SDK1: variants seen among roughly 807,000 people sequenced by gnomAD.
The protein encoded by SDK1 is protein sidekick-1.
SDK1 carries 157 observed loss-of-function variants against 245.5 expected under a neutral mutation model. That is an observed-to-expected ratio of 0.64 (90% CI 0.56 to 0.73). The LOEUF (loss-of-function observed/expected upper bound fraction) is 0.73, where lower values mean the gene tolerates loss of function less well. Ranked by LOEUF, SDK1 falls within the 30% of genes least tolerant of loss-of-function variation. SDK1 has a pLI of 0.00. For missense variants in SDK1, 3,583 were observed against 3,002.3 expected, an observed-to-expected ratio of 1.19 and a Z score of -4.52; for synonymous variants, 1,647 against 1,278.5, an observed-to-expected ratio of 1.29 and a Z score of -6.15.
intron 5 of SDK1, among the ~76,000 whole-genome samples, chr7:3,838,300 C>T (rs779206486): frequency 8.5e-5 from 13 of 152,144 alleles, no homozygotes; most frequent in Non-Finnish European, 1.5e-4. Context: ...GTGACTAAAG[C>T]GAAAGTACCT....
chr7:4,108,593 A>G (rs1204636017), intron 22 of SDK1, among the ~76,000 whole-genome samples: 1 of 152,142 alleles, frequency 6.6e-6, no homozygotes, highest in Non-Finnish European at 1.5e-5. Flanking sequence ...TTCATTATCT[A>G]CGCTGACCTC....
intron 14 of SDK1, among the ~76,000 whole-genome samples, chr7:4,006,319 T>G (rs1785484111): frequency 6.6e-6 from 1 of 151,954 alleles, no homozygotes; most frequent in Non-Finnish European, 1.5e-5. Context: ...GCTGGGGAAG[T>G]GTAAAATCCC....
rs186074772 is a variant in SDK1 at position 3,825,373 on chromosome 7, G to T, written c.847+3790G>T. ...GCGATGAGACGAATTCTATACAGTG[G>T]TTAATCAGTCATTGTTTATACGCCA... On this transcript the variant is annotated intron_variant, in intron 5 of 44. Transcript: ENST00000404826. Among the ~76,000 whole-genome samples the T allele has an allele frequency of 2.0e-5, 3 of 149,210 alleles. No homozygotes were observed. In the East Asian group the frequency reaches 5.9e-4, roughly 30 times the overall value.
At chr7:3,656,822 A>G (rs1393510057) in intron 4 of SDK1, among the ~76,000 whole-genome samples, 1 of 146,586 alleles carries the variant, frequency 6.8e-6, no homozygotes, top group Non-Finnish European at 1.5e-5. Context: ...ATCTCGGCTC[A>G]CTGCAAGCTC....
Position 3,822,004 on chromosome 7 carries a change from A to T in SDK1, c.847+421A>T, listed in dbSNP as rs116692263. ...AAATTCTACCTATTAAGTTGTACGA[A>T]AATTAGCAGTATTTAAGCATAATCA... On this transcript the variant is annotated intron_variant, in intron 5 of 44. Coordinates refer to ENST00000404826, the MANE Select transcript of SDK1 (RefSeq NM_152744.4). Among the ~76,000 whole-genome samples the T allele has an allele frequency of 7.1e-3, 1,078 of 152,306 alleles. 10 individuals are homozygous for T. Among genetic ancestry groups the T allele is most frequent in the African/African-American group, 0.024 (1,012 of 41,562 alleles).
intron 1 of SDK1, among the ~76,000 whole-genome samples, chr7:3,542,064 T>G (rs894396551): frequency 6.6e-6 from 1 of 152,184 alleles, no homozygotes; most frequent in Non-Finnish European, 1.5e-5. Flanking sequence ...TGATAGAAAC[T>G]TGACACAATT....
chr7:3,362,846 G>T (rs1780990236), intron 1 of SDK1, among the ~76,000 whole-genome samples: 1 of 152,014 alleles, frequency 6.6e-6, no homozygotes, highest in African/African-American at 2.4e-5. Flanking sequence ...AGAAAACCTT[G>T]GATAATTTTA....
At chr7:4,184,073 C>T (rs1377956687) in intron 35 of SDK1, among the ~76,000 whole-genome samples, 1 of 152,208 alleles carries the variant, frequency 6.6e-6, no homozygotes, top group Non-Finnish European at 1.5e-5. Flanking sequence ...TTCTCGCAGC[C>T]CAAGTACCTG....
intron 40 of SDK1, among the ~76,000 whole-genome samples, chr7:4,224,470 G>A (rs536931756): frequency 2.0e-5 from 3 of 152,120 alleles, no homozygotes; most frequent in Non-Finnish European, 4.4e-5. Flanking sequence ...AGCACCAAAG[G>A]GGTGGTCCTA....
intron 4 of SDK1, among the ~76,000 whole-genome samples, chr7:3,791,265 T>A (rs1322692681): frequency 6.6e-6 from 1 of 152,094 alleles, no homozygotes; most frequent in Non-Finnish European, 1.5e-5. Context: ...CTGGACTAGA[T>A]GAATCCGCCT....
intron 22 of SDK1, among the ~76,000 whole-genome samples, chr7:4,088,215 G>C (rs1781550262): frequency 6.6e-6 from 1 of 152,034 alleles, no homozygotes; most frequent in African/African-American, 2.4e-5. Context: ...CTTGTTAGTT[G>C]GTTAGTTTTA....
chr7:3,460,438 T>G (rs892993043), intron 1 of SDK1, among the ~76,000 whole-genome samples: 1 of 152,218 alleles, frequency 6.6e-6, no homozygotes, highest in South Asian at 2.1e-4. Context: ...TTGTCTTTGG[T>G]TATTTGACAA....
intron 5 of SDK1, among the ~76,000 whole-genome samples, chr7:3,835,959 G>T (rs1205262510): frequency 6.6e-6 from 1 of 152,230 alleles, no homozygotes; most frequent in Non-Finnish European, 1.5e-5. Context: ...GTAGGCTGAA[G>T]AAGTGCTTCC....
intron 1 of SDK1, among the ~76,000 whole-genome samples, chr7:3,603,959 G>T (rs1032323314): frequency 1.3e-5 from 2 of 152,064 alleles, no homozygotes; most frequent in Admixed American, 6.6e-5. Context: ...TTTGTCTTTG[G>T]TTCTGTTTAT....
chr7:3,925,599 G>T (rs569194819), intron 5 of SDK1, among the ~76,000 whole-genome samples: 10 of 152,346 alleles, frequency 6.6e-5, no homozygotes, highest in African/African-American at 2.4e-4. Context: ...CATCCAGACA[G>T]GGTGCTCAGA....
chr7:3,928,218 C>CT (rs1288071747), intron 5 of SDK1, among the ~76,000 whole-genome samples: 5 of 152,144 alleles, frequency 3.3e-5, no homozygotes, highest in Non-Finnish European at 7.3e-5. Flanking sequence ...ACCATCAGGC[C>CT]TGCCAAGCTC....
intron 4 of SDK1, among the ~76,000 whole-genome samples, chr7:3,701,858 A>G (rs543176291): frequency 4.0e-5 from 6 of 151,770 alleles, no homozygotes; most frequent in African/African-American, 1.4e-4. Context: ...AAAGCATAAA[A>G]GCAATTCAAT....
chr7:3,862,448 G>C (rs933527337), intron 5 of SDK1, among the ~76,000 whole-genome samples: 3 of 152,276 alleles, frequency 2.0e-5, no homozygotes, highest in East Asian at 3.9e-4. Context: ...CTTCTTTTTG[G>C]TAAAGGGTAT....
At chr7:3,645,423 C>T (rs1235891690) in intron 4 of SDK1, among the ~76,000 whole-genome samples, 1 of 152,148 alleles carries the variant, frequency 6.6e-6, no homozygotes, top group East Asian at 1.9e-4. Context: ...TATTAAGTAC[C>T]TGCTGTGCAA....
Sources: allele counts gnomAD v4.1 joint callset (sites outside exome capture counted in the v4.1 genomes callset), GRCh38; gene constraint gnomAD v4.1.1; transcripts MANE v1.5; gene names NCBI Gene and HGNC (gene_info 2026-07-23, HGNC 2026-07-21).